The following CMTM8 variants were observed in gnomAD, a reference collection of about 807,000 sequenced individuals.
The protein encoded by CMTM8 is CKLF-like MARVEL transmembrane domain-containing protein 8.
In CMTM8, 12 loss-of-function variants were observed where a neutral mutation model predicts 18.6. The ratio of observed to expected loss-of-function variants is 0.65; its 90% CI spans 0.41 to 1.05. The LOEUF (loss-of-function observed/expected upper bound fraction) is 1.05. Ranked by LOEUF, CMTM8 falls within the 50% of genes least tolerant of loss-of-function variation. CMTM8 has a pLI of 0.00. For missense variants in CMTM8, 217 were observed against 227.2 expected, an observed-to-expected ratio of 0.95 and a Z score of 0.29; for synonymous variants, 87 against 90.6, an observed-to-expected ratio of 0.96 and a Z score of 0.23.
intron 1 of CMTM8, among the ~76,000 whole-genome samples, chr3:32,347,524 A>G (rs1277427313): frequency 4.0e-5 from 6 of 149,584 alleles, no homozygotes; most frequent in Non-Finnish European, 8.9e-5. Context: ...GGGGCTTTAC[A>G]CACAAGTGCT....
intron 1 of CMTM8, among the ~76,000 whole-genome samples, chr3:32,273,649 A>G (rs1223410539): frequency 6.6e-6 from 1 of 152,210 alleles, no homozygotes; most frequent in Non-Finnish European, 1.5e-5. Context: ...ATGCATAGAA[A>G]CAGCAAGTAG....
intron 1 of CMTM8, chr3:32,243,983 C>T (rs111235027): frequency 6.2e-6 from 1 of 160,110 alleles, no homozygotes; most frequent in Non-Finnish European, 1.4e-5. Flanking sequence ...GATATTATAG[C>T]AGCAGGGATG....
In CMTM8 at chr3:32,337,996, TTA is replaced by T. The variant is rs1195101780; in HGVS notation, c.148-19376_148-19375del. Among the ~76,000 whole-genome samples, 785 of 145,294 alleles carry T rather than the reference TTA, an allele frequency of 5.4e-3. 7 individuals carry two copies. The highest frequency in any genetic ancestry group is 0.018 in the African/African-American group (701 of 39,458). On this transcript the variant is annotated intron_variant, in intron 1 of 3. Coordinates refer to ENST00000307526, the MANE Select transcript of CMTM8 (RefSeq NM_178868.5). ...TTGGCCTTTTTTTTTTTTTTTTTTTTTAAATTGAGATGGAGTCTCACTCTGTC... is the reference window on the plus strand; with the variant it reads ...TTGGCCTTTTTTTTTTTTTTTTTTTTAATTGAGATGGAGTCTCACTCTGTC...
intron 1 of CMTM8, among the ~76,000 whole-genome samples, chr3:32,261,302 G>C (rs1452562913): frequency 6.6e-6 from 1 of 152,056 alleles, no homozygotes; most frequent in Non-Finnish European, 1.5e-5. Context: ...TCTGTGTCTA[G>C]CCCTTAGAAT....
At chr3:32,360,273 A>G (rs1696897814) in intron 2 of CMTM8, among the ~76,000 whole-genome samples, 1 of 152,152 alleles carries the variant, frequency 6.6e-6, no homozygotes, top group African/African-American at 2.4e-5. Flanking sequence ...TAAATTTTCT[A>G]TTTGTTTTCT....
At chr3:32,273,129 A>AGTGTG (rs1702465224) in intron 1 of CMTM8, among the ~76,000 whole-genome samples, 1 of 142,930 alleles carries the variant, frequency 7.0e-6, no homozygotes, top group Non-Finnish European at 1.5e-5. Flanking sequence ...ATTGGAACAA[A>AGTGTG]TGTGTGTGTG....
chr3:32,270,182 A>G (rs1433511098), intron 1 of CMTM8, among the ~76,000 whole-genome samples: 1 of 152,168 alleles, frequency 6.6e-6, no homozygotes, highest in Non-Finnish European at 1.5e-5. Flanking sequence ...TTGGCCTCCC[A>G]AAGCTCTGAT....
At chr3:32,266,851 T>C (rs1028358759) in intron 1 of CMTM8, among the ~76,000 whole-genome samples, 5 of 152,200 alleles carry the variant, frequency 3.3e-5, no homozygotes, top group African/African-American at 1.2e-4. Context: ...CCATTCATAA[T>C]TGCTTCAAAG....
chr3:32,252,264 G>T (rs905987175), intron 1 of CMTM8, among the ~76,000 whole-genome samples: 1 of 152,010 alleles, frequency 6.6e-6, no homozygotes, highest in African/African-American at 2.4e-5. Context: ...CTATTCCTGT[G>T]TGAATTCCCA....
chr3:32,251,195 A>G (rs1484489823), intron 1 of CMTM8, among the ~76,000 whole-genome samples: 1 of 152,260 alleles, frequency 6.6e-6, no homozygotes, highest in Non-Finnish European at 1.5e-5. Flanking sequence ...AACACCAGCT[A>G]TAAATAATAT....
chr3:32,341,509 CTATT>C (rs931929911), intron 1 of CMTM8, among the ~76,000 whole-genome samples: 10 of 152,066 alleles, frequency 6.6e-5, no homozygotes, highest in African/African-American at 2.4e-4. Context: ...TGTATTATCT[CTATT>C]TATTGATGAA....
At chr3:32,263,474 G>C (rs1483948541) in intron 1 of CMTM8, among the ~76,000 whole-genome samples, 1 of 152,016 alleles carries the variant, frequency 6.6e-6, no homozygotes, top group East Asian at 1.9e-4. Flanking sequence ...AAAGACCAAA[G>C]GTAGATAAAA....
At chr3:32,303,320 A>T (rs1332557455) in intron 1 of CMTM8, among the ~76,000 whole-genome samples, 1 of 152,212 alleles carries the variant, frequency 6.6e-6, no homozygotes, top group Non-Finnish European at 1.5e-5. Context: ...GTATCTGCAT[A>T]AATCTTCAAG....
At chr3:32,327,342 T>C (rs1696182468) in intron 1 of CMTM8, among the ~76,000 whole-genome samples, 1 of 152,224 alleles carries the variant, frequency 6.6e-6, no homozygotes, top group Non-Finnish European at 1.5e-5. Flanking sequence ...GGGGCTCACC[T>C]AGGTTTAAAA....
intron 1 of CMTM8, among the ~76,000 whole-genome samples, chr3:32,293,069 A>ATGTGTG (rs749526069): frequency 1.8e-4 from 24 of 133,094 alleles, no homozygotes; most frequent in East Asian, 2.0e-4. Flanking sequence ...GTGTGTATAT[A>ATGTGTG]TGTGTGTGTA....
chr3:32,262,872 TCA>T (rs1702275686), intron 1 of CMTM8, among the ~76,000 whole-genome samples: 1 of 152,122 alleles, frequency 6.6e-6, no homozygotes, highest in South Asian at 2.1e-4. Context: ...TAGTGAGTTT[TCA>T]CACACTCAGC....
At chr3:32,308,990 G>A (rs544332934) in intron 1 of CMTM8, among the ~76,000 whole-genome samples, 8 of 152,140 alleles carry the variant, frequency 5.3e-5, no homozygotes, top group Admixed American at 1.3e-4. Flanking sequence ...GACACCCATC[G>A]TCCTTGAGGT....
At chr3:32,259,109 G>A in intron 1 of CMTM8, 1 of 396,476 alleles carries the variant, frequency 2.5e-6, no homozygotes, top group Non-Finnish European at 4.9e-6. Flanking sequence ...TGCTCCACCA[G>A]CTTCCAGGGT....
At chr3:32,360,929 A>G (rs141978027) in intron 2 of CMTM8, among the ~76,000 whole-genome samples, 23 of 152,358 alleles carry the variant, frequency 1.5e-4, no homozygotes, top group Admixed American at 6.5e-4. Flanking sequence ...AAAAATAGTT[A>G]TAGATCCATA....
Sources: allele counts gnomAD v4.1 joint callset (sites outside exome capture counted in the v4.1 genomes callset), GRCh38; gene constraint gnomAD v4.1.1; transcripts MANE v1.5; gene names NCBI Gene and HGNC (gene_info 2026-07-23, HGNC 2026-07-21).